Variants in IRS1 observed in about 807,000 individuals in gnomAD.
The protein encoded by IRS1 is insulin receptor substrate 1.
A neutral mutation model predicts 65.6 loss-of-function variants in IRS1; 34 were observed. The observed-to-expected ratio is 0.52, with a 90% CI of 0.39 to 0.69. The LOEUF (loss-of-function observed/expected upper bound fraction) is 0.69. Among genes scored for constraint, IRS1 ranks in the 30% least tolerant of loss-of-function variants. The probability of loss-of-function intolerance (pLI) is 0.00; values close to 1 mark genes in which losing one functional copy is unlikely to be tolerated. For missense variants in IRS1, 1,641 were observed against 1,720.2 expected (o/e 0.95, Z 0.81); for synonymous variants, 699 against 683.5 (o/e 1.02, Z -0.35).
In IRS1 at chr2:226,796,884, C is replaced by T. The variant is rs762564505; in HGVS notation, c.1855G>A (p.Val619Met). The change falls in exon 1 of 2, where the codon GTG (valine) becomes ATG (methionine). Residue 619 changes from valine to methionine, a missense_variant. Coordinates refer to ENST00000305123, the MANE Select transcript of IRS1 (RefSeq NM_005544.3). ...DDGYMPMSPGVAPVPSGRKGS... is the reference protein window; with the variant it reads ...DDGYMPMSPGMAPVPSGRKGS... ...TTTCGGCCACTGGGCACTGGGGCCA[C>T]CCCTGGGGACATGGGCATGTAGCCA... is the stretch of plus-strand genomic sequence containing the variant. The T allele has an allele frequency of 2.6e-6, 4 of 1,541,274 alleles. No individual in the cohort carries two copies. The highest frequency in any genetic ancestry group is 8.7e-7 in the Non-Finnish European group (1 of 1,143,108).
At chr2:226,760,364 CA>C (rs1224810292) in intron 1 of IRS1, among the ~76,000 whole-genome samples, 1 of 152,168 alleles carries the variant, frequency 6.6e-6, no homozygotes, top group East Asian at 1.9e-4. Flanking sequence ...AAGCCGGCAT[CA>C]AGAATCTCAT....
chr2:226,760,970 A>G (rs907346532), intron 1 of IRS1, among the ~76,000 whole-genome samples: 4 of 152,218 alleles, frequency 2.6e-5, no homozygotes, highest in Non-Finnish European at 5.9e-5. Flanking sequence ...TGAAAGTATG[A>G]TTGTGAAACC....
At chr2:226,752,488 T>C (rs1325486739) in intron 1 of IRS1, among the ~76,000 whole-genome samples, 5 of 152,208 alleles carry the variant, frequency 3.3e-5, no homozygotes, top group Middle Eastern at 3.2e-3. Flanking sequence ...GGCAATTTCA[T>C]TCACCAGGCC....
intron 1 of IRS1, among the ~76,000 whole-genome samples, chr2:226,739,817 G>T (rs754430016): frequency 5.3e-5 from 8 of 152,126 alleles, no homozygotes; most frequent in Non-Finnish European, 1.0e-4. Flanking sequence ...AAACATTTGC[G>T]TAACTTAATA....
At chr2:226,740,530 C>G (rs905610348) in intron 1 of IRS1, among the ~76,000 whole-genome samples, 2 of 151,986 alleles carry the variant, frequency 1.3e-5, no homozygotes, top group African/African-American at 2.4e-5. Flanking sequence ...GCTTACTGAT[C>G]GTTTTTACTG....
chr2:226,768,713 T>G (rs1387368167), intron 1 of IRS1, among the ~76,000 whole-genome samples: 1 of 152,180 alleles, frequency 6.6e-6, no homozygotes, highest in Non-Finnish European at 1.5e-5. Flanking sequence ...CTCGGCTCGC[T>G]GCAACCCCCA....
At chr2:226,784,409 T>C (rs183669959) in intron 1 of IRS1, among the ~76,000 whole-genome samples, 2 of 152,036 alleles carry the variant, frequency 1.3e-5, no homozygotes, top group Admixed American at 1.3e-4. Context: ...TTTTTTTTAA[T>C]TTTTTTATTT....
Position 226,795,978 on chromosome 2 carries a change from C to T in IRS1, c.2761G>A (p.Val921Ile). 1 of 1,614,154 alleles carries T rather than the reference C, an allele frequency of 6.2e-7. No individual in the cohort carries two copies. Among genetic ancestry groups the T allele is most frequent in the East Asian group, 2.2e-5 (1 of 44,884 alleles). ...GGCTGGAGCTGGGATGGACACCTGA[C>T]AGAAGGTGAGCTGTGGAAAGCCACC... ...GPVAFHSSPS[V>I]RCPSQLQPAP... is the part of the protein sequence containing the mutation. The change falls in exon 1 of 2, where the codon GTC becomes ATC. Residue 921 changes from valine to isoleucine, a missense_variant. Physicochemically the swap from Val to Ile is conservative, Grantham distance 29. Around this residue, in one of 3 missense-constraint regions of IRS1, gnomAD observed 1,324 missense variants for 1,361.0 expected, o/e 0.97. Transcript: ENST00000305123.
In IRS1 at chr2:226,733,053, G is replaced by A. The variant is rs1486314011; in HGVS notation, c.*3219C>T. On this transcript the variant is annotated 3_prime_UTR_variant, in exon 2 of 2. Coordinates refer to ENST00000305123, the MANE Select transcript of IRS1 (RefSeq NM_005544.3). Reference sequence around the variant, plus strand: ...ATGGCTCTCGTTGTCAGTGGATGGTGAAACCCTTTCCCCCCTTTTTTTAAC... The same window carrying A: ...ATGGCTCTCGTTGTCAGTGGATGGTAAAACCCTTTCCCCCCTTTTTTTAAC... 1.3e-5 allele frequency: 2 copies of A among 152,130 alleles called. No individual in the cohort carries two copies. Among genetic ancestry groups the A allele is most frequent in the African/African-American group, 4.8e-5 (2 of 41,410 alleles). 9.4% of individuals were successfully genotyped at this position (152,130 alleles called of 1,614,324 possible). A position where few individuals can be genotyped will look rare whatever the true frequency, so the allele number is the denominator to read the frequency against.
chr2:226,779,253 A>T (rs1939335016), intron 1 of IRS1, among the ~76,000 whole-genome samples: 2 of 152,350 alleles, frequency 1.3e-5, no homozygotes, highest in Admixed American at 1.3e-4. Flanking sequence ...AATATTCAAT[A>T]CCCACCAAGT....
At chr2:226,786,746 G>A (rs1939495405) in intron 1 of IRS1, among the ~76,000 whole-genome samples, 1 of 148,108 alleles carries the variant, frequency 6.8e-6, no homozygotes, top group Non-Finnish European at 1.5e-5. Context: ...AAAAAATAGT[G>A]TGAAGAGACC....
At chr2:226,782,870 G>A (rs544782262) in intron 1 of IRS1, among the ~76,000 whole-genome samples, 3 of 152,206 alleles carry the variant, frequency 2.0e-5, no homozygotes, top group Admixed American at 6.5e-5. Context: ...GCATGGTGGC[G>A]CACACCCATA....
At chr2:226,752,531 T>C (rs979228969) in intron 1 of IRS1, among the ~76,000 whole-genome samples, 1 of 152,250 alleles carries the variant, frequency 6.6e-6, no homozygotes, top group Admixed American at 6.5e-5. Flanking sequence ...GGTGCAGCTT[T>C]ACCACTGGTC....
At position 226,733,199 on chromosome 2, in the gene IRS1, G is replaced by A. The variant is rs1022621671; in HGVS notation, c.*3073C>T. ...CTGTTTCTTACCATACAGAAAAATT[G>A]TTTCTTAATACTTCAAATGTCTCAA... On this transcript the variant is annotated 3_prime_UTR_variant, in exon 2 of 2. Coordinates refer to ENST00000305123, the MANE Select transcript of IRS1 (RefSeq NM_005544.3). The A allele has an allele frequency of 9.2e-5, 14 of 152,138 alleles. No homozygotes were observed. Among genetic ancestry groups the A allele is most frequent in the African/African-American group, 3.4e-4 (14 of 41,416 alleles). 9.4% of individuals were successfully genotyped at this position (152,138 alleles called of 1,614,324 possible). A position where few individuals can be genotyped will look rare whatever the true frequency, so the allele number is the denominator to read the frequency against.
intron 1 of IRS1, among the ~76,000 whole-genome samples, chr2:226,769,567 C>T (rs1382927382): frequency 1.3e-5 from 2 of 152,100 alleles, no homozygotes; most frequent in Non-Finnish European, 2.9e-5. Flanking sequence ...TTTAGGTTTC[C>T]GACGCGTTTC....
rs1939698036 is a variant in IRS1, at chr2:226,795,488, C to T, written c.3251G>A (p.Ser1084Asn). The T allele has an allele frequency of 1.2e-6, 2 of 1,613,434 alleles. No individual in the cohort carries two copies. Among genetic ancestry groups the T allele is most frequent in the Non-Finnish European group, 1.7e-6 (2 of 1,180,040 alleles). The change falls in exon 1 of 2, where the codon AGT becomes AAT. Residue 1084 changes from serine (S) to asparagine (N), a missense_variant. Ser to Asn is a conservative substitution (Grantham distance 46, BLOSUM62 1). Transcript: ENST00000305123. Reference protein sequence around the residue: ...RVNLSPNRNQSAKVIRADPQG... With the variant: ...RVNLSPNRNQNAKVIRADPQG... ...TGGGTCTGCACGGATCACTTTGGCA[C>T]TCTGGTTGCGGTTAGGACTGAGGTT...
chr2:226,795,177 A>C lies in IRS1; in HGVS notation c.3562T>G (p.Phe1188Val), dbSNP rs199818392. 6.2e-7 allele frequency: 1 copy of C among 1,613,926 alleles called. No homozygotes were observed. The highest frequency in any genetic ancestry group is 2.2e-5 in the East Asian group (1 of 44,860). The change falls in exon 1 of 2, where the codon TTC becomes GTC. Residue 1188 changes from phenylalanine to valine, a missense_variant. By Grantham distance (50) the Phe-to-Val change is conservative (BLOSUM62 -1). Around this residue, in one of 3 missense-constraint regions of IRS1, gnomAD observed 1,324 missense variants for 1,361.0 expected, o/e 0.97. Coordinates refer to ENST00000305123, the MANE Select transcript of IRS1 (RefSeq NM_005544.3). The stretch of plus-strand genomic sequence containing the variant: ...GTGCACTCCTGAGGGCACTGTTTGA[A>C]GTCCTTGACCAAATCCAGGTCTATG... The part of the protein sequence containing the change: ...NYIDLDLVKD[F>V]KQCPQECTPE...
intron 1 of IRS1, among the ~76,000 whole-genome samples, chr2:226,762,092 G>C (rs867000381): frequency 3.3e-5 from 5 of 152,236 alleles, no homozygotes; most frequent in African/African-American, 1.2e-4. Context: ...GGTTCATTTT[G>C]TTCCAACAAC....
At position 226,798,964 on chromosome 2, in the gene IRS1, C is replaced by G; in HGVS notation, c.-226G>C. The G allele has an allele frequency of 1.3e-5, 19 of 1,443,420 alleles. No homozygotes were observed. The highest frequency in any genetic ancestry group is 1.7e-5 in the Non-Finnish European group (19 of 1,096,998). The allele number at this position is 1,443,420 out of a possible 1,614,324, so 89.4% of individuals were successfully genotyped here. On this transcript the variant is annotated 5_prime_UTR_variant, in exon 1 of 2. Transcript: ENST00000305123. The surrounding 1 kb of genome is among the most constrained non-coding windows in gnomAD (Gnocchi z 9.4). The stretch of plus-strand genomic sequence containing the variant: ...CCGACCGGAGTTTTCGGGCGCTTCA[C>G]GCCCGGCGGGGAGGCAGTGCGTCCG...
Sources: gnomAD v4.1 joint callset for allele counts (sites outside exome capture counted in the v4.1 genomes callset) on GRCh38, gnomAD v4.1.1 for gene constraint, gnomAD v4.1.1 regional missense constraint, Gnocchi (gnomAD v3.1) non-coding constraint, MANE v1.5 for transcripts, NCBI Gene and HGNC (gene_info 2026-07-23, HGNC 2026-07-21) for gene names.